Variants in GPC5 observed in about 807,000 individuals in gnomAD.
GPC5 encodes glypican 5, also known as glypican-5.
GPC5 carries 47 observed loss-of-function variants against 53.9 expected under a neutral mutation model. That is an observed-to-expected ratio of 0.87 (90% CI 0.69 to 1.11). GPC5 has a LOEUF of 1.11. Among genes scored for constraint, GPC5 ranks in the 50% most tolerant of loss-of-function variants. The pLI, the probability that GPC5 is intolerant of heterozygous loss-of-function variation, is 0.00. For synonymous variants in GPC5, 286 were observed against 263.3 expected (o/e 1.09, Z -0.84); for missense variants, 748 against 713.1 (o/e 1.05, Z -0.56).
chr13:92,848,613 A>C (rs575183959), intron 7 of GPC5, among the ~76,000 whole-genome samples: 6 of 152,286 alleles, frequency 3.9e-5, no homozygotes, highest in African/African-American at 1.4e-4. Context: ...ATATATAGAC[A>C]TATAGACATA....
At chr13:92,067,141 A>G (rs375412213) in intron 6 of GPC5, among the ~76,000 whole-genome samples, 13 of 152,088 alleles carry the variant, frequency 8.5e-5, no homozygotes, top group African/African-American at 2.9e-4. Context: ...AAGCATTGCA[A>G]AAGTTTATGT....
rs76656902 is a variant in GPC5 at position 91,814,345 on chromosome 13, C to T, written c.1280+57925C>T. ...ATGTCTCTCTCTGTATACATAGAAA[C>T]ATTTCCATATCTAGCTAGCTAGCTC... On this transcript the variant is annotated intron_variant, in intron 5 of 7. Transcript: ENST00000377067. Among the ~76,000 whole-genome samples the T allele has an allele frequency of 7.9e-3, 1,201 of 152,178 alleles. 16 individuals carry two copies. The highest frequency in any genetic ancestry group is 0.027 in the African/African-American group (1,141 of 41,516).
At chr13:91,962,443 T>A (rs1364648795) in intron 6 of GPC5, among the ~76,000 whole-genome samples, 1 of 152,140 alleles carries the variant, frequency 6.6e-6, no homozygotes, top group East Asian at 1.9e-4. Context: ...TTTAGTGTGG[T>A]CTGTGTGAGC....
At chr13:91,828,524 T>C (rs2038609757) in intron 5 of GPC5, among the ~76,000 whole-genome samples, 1 of 151,990 alleles carries the variant, frequency 6.6e-6, no homozygotes, top group South Asian at 2.1e-4. Flanking sequence ...TCAAATATCA[T>C]TCTCCAATAA....
At chr13:91,904,362 A>T (rs1394162135) in intron 5 of GPC5, among the ~76,000 whole-genome samples, 1 of 151,522 alleles carries the variant, frequency 6.6e-6, no homozygotes, top group Non-Finnish European at 1.5e-5. Flanking sequence ...TTTTGAAGAA[A>T]ATCACACATG....
At chr13:92,460,745 G>T (rs1385559507) in intron 7 of GPC5, among the ~76,000 whole-genome samples, 1 of 152,134 alleles carries the variant, frequency 6.6e-6, no homozygotes, top group South Asian at 2.1e-4. Flanking sequence ...ATGGAGACAG[G>T]CCAGAAGAAG....
At chr13:91,706,053 G>T (rs2036097085) in intron 3 of GPC5, among the ~76,000 whole-genome samples, 1 of 151,718 alleles carries the variant, frequency 6.6e-6, no homozygotes, top group Admixed American at 6.6e-5. Context: ...GCTAATTTTT[G>T]TGTTTTTAGT....
At chr13:92,683,248 G>A (rs1254980097) in intron 7 of GPC5, among the ~76,000 whole-genome samples, 1 of 152,178 alleles carries the variant, frequency 6.6e-6, no homozygotes, top group Non-Finnish European at 1.5e-5. Context: ...AAAACGTAGA[G>A]GAGGAGAAGA....
chr13:92,329,850 G>A (rs983560827), intron 7 of GPC5, among the ~76,000 whole-genome samples: 7 of 152,166 alleles, frequency 4.6e-5, no homozygotes, highest in Non-Finnish European at 1.0e-4. Context: ...AAGATGTGAA[G>A]AGTGAAGATC....
intron 7 of GPC5, among the ~76,000 whole-genome samples, chr13:92,821,296 A>G (rs950098269): frequency 5.3e-5 from 8 of 152,202 alleles, no homozygotes; most frequent in African/African-American, 1.9e-4. Flanking sequence ...CAAATATTTT[A>G]TCTGTATTCC....
intron 7 of GPC5, among the ~76,000 whole-genome samples, chr13:92,827,564 T>A (rs1877895373): frequency 6.6e-6 from 1 of 152,114 alleles, no homozygotes; most frequent in Non-Finnish European, 1.5e-5. Context: ...GGGAGAGGAA[T>A]TTCTCTGGCT....
rs185781697 is a variant in GPC5 at position 92,373,613 on chromosome 13, G to A, written c.1561+228624G>A. On this transcript the variant is annotated intron_variant, in intron 7 of 7. Coordinates refer to ENST00000377067, the MANE Select transcript of GPC5 (RefSeq NM_004466.6). ...TATTCATATTCTGTGATTATAAATC[G>A]CTGTCTACCTTCCAGGCATTCATAT... Among the ~76,000 whole-genome samples the A allele has an allele frequency of 2.4e-4, 36 of 152,176 alleles. No homozygotes were observed. The East Asian group carries it at 4.8e-3, about 20-fold the overall frequency.
chr13:92,614,334 C>A (rs927425467), intron 7 of GPC5, among the ~76,000 whole-genome samples: 4 of 152,082 alleles, frequency 2.6e-5, no homozygotes, highest in African/African-American at 7.2e-5. Flanking sequence ...TACTTCCCAA[C>A]AAATCTGTTG....
chr13:92,529,852 G>A (rs1186373585), intron 7 of GPC5, among the ~76,000 whole-genome samples: 1 of 152,124 alleles, frequency 6.6e-6, no homozygotes, highest in Non-Finnish European at 1.5e-5. Flanking sequence ...GGAGGCCGAG[G>A]CGGGGGCATC....
chr13:91,859,517 A>G (rs1267913677), intron 5 of GPC5, among the ~76,000 whole-genome samples: 1 of 152,008 alleles, frequency 6.6e-6, no homozygotes, highest in Non-Finnish European at 1.5e-5. Context: ...TTCTTAAATA[A>G]GCTTTGGTAA....
Position 92,763,048 on chromosome 13 carries a change from T to C in GPC5, c.1562-103234T>C, listed in dbSNP as rs140354646. Among the ~76,000 whole-genome samples, 65 of 152,308 alleles carry C rather than the reference T, an allele frequency of 4.3e-4. No homozygotes were observed. The East Asian group carries it at 0.012, about 27-fold the overall frequency. ...GTTGAATTGTCTATCTGTATTCTCT[T>C]GTATGTCAGTGAGTTTCTTACAAAT... On this transcript the variant is annotated intron_variant, in intron 7 of 7. Transcript: ENST00000377067.
chr13:92,648,427 G>GA (rs1885845704), intron 7 of GPC5, among the ~76,000 whole-genome samples: 1 of 37,904 alleles, frequency 2.6e-5, no homozygotes, highest in South Asian at 1.1e-3. Flanking sequence ...TTCAATATTA[G>GA]GCATATTTTA....
intron 7 of GPC5, among the ~76,000 whole-genome samples, chr13:92,432,158 C>T (rs1877116465): frequency 6.6e-6 from 1 of 152,118 alleles, no homozygotes; most frequent in African/African-American, 2.4e-5. Flanking sequence ...CATGTGAGGA[C>T]ACAGCAAGAA....
intron 4 of GPC5, among the ~76,000 whole-genome samples, chr13:91,738,274 A>C (rs992394401): frequency 6.6e-6 from 1 of 151,458 alleles, no homozygotes; most frequent in East Asian, 1.9e-4. Context: ...CAAAATAACC[A>C]GTTCAAAGTA....
Sources: allele counts gnomAD v4.1 joint callset (sites outside exome capture counted in the v4.1 genomes callset), GRCh38; gene constraint gnomAD v4.1.1; transcripts MANE v1.5; gene names NCBI Gene and HGNC (gene_info 2026-07-23, HGNC 2026-07-21).